CLTA: variants seen among roughly 807,000 people sequenced by gnomAD.
CLTA encodes the protein clathrin, light polypeptide (Lca).
A neutral mutation model predicts 26.9 loss-of-function variants in CLTA; 9 were observed. The observed-to-expected ratio is 0.33, with a 90% confidence interval of 0.20 to 0.58. The LOEUF is 0.58. Among genes scored for constraint, CLTA ranks in the 20% least tolerant of loss-of-function variants. CLTA has a pLI of 0.85. For missense variants in CLTA, 278 were observed against 294.2 expected (o/e 0.94, Z 0.40); for synonymous variants, 120 against 115.5 (o/e 1.04, Z -0.25).
chr9:36,209,255 C>T (rs1190542907), intron 4 of CLTA: 2 of 1,614,080 alleles, frequency 1.2e-6, no homozygotes, highest in Admixed American at 1.7e-5. Flanking sequence ...TTTTGGACCT[C>T]TTGCTGTCTA....
Position 36,211,586 on chromosome 9 carries a change from T to G in CLTA, c.486-17T>G, listed in dbSNP as rs1441372910. On this transcript the variant is annotated splice_polypyrimidine_tract_variant and intron_variant, in intron 4 of 4. Coordinates refer to ENST00000345519, the MANE Select transcript of CLTA (RefSeq NM_001833.4). ...GGGGGTTCTGCATAAACCAACATAT[T>G]TTGTTGTTGCTTCCAGGGCAGCAGA... 6.3e-7 allele frequency: 1 copy of G among 1,599,284 alleles called. No individual in the cohort carries two copies. The highest frequency in any genetic ancestry group is 8.5e-7 in the Non-Finnish European group (1 of 1,169,716).
chr9:36,203,931 C>T (rs1827570683), intron 3 of CLTA, 137 bp from the exon 4 acceptor site: 1 of 1,199,984 alleles, frequency 8.3e-7, no homozygotes. Flanking sequence ...ATCTTCCCCT[C>T]TCTACTCTTC....
intron 4 of CLTA, chr9:36,210,713 T>C: frequency 6.2e-7 from 1 of 1,608,408 alleles, no homozygotes; most frequent in Non-Finnish European, 8.5e-7. Context: ...GAAGTCGCAG[T>C]GTTGTAGTGG....
rs1262335103 is a variant in CLTA, at chr9:36,210,577, A to G, written c.486-1026A>G. The G allele has an allele frequency of 2.5e-6, 4 of 1,613,696 alleles. 1 individual carries two copies. Among genetic ancestry groups the G allele is most frequent in the Non-Finnish European group, 3.4e-6 (4 of 1,179,826 alleles). On this transcript the variant is annotated intron_variant, in intron 4 of 4. Coordinates refer to ENST00000345519, the MANE Select transcript of CLTA (RefSeq NM_001833.4). ...CATTGAGCTCATTCTCATTTTCTATATCTGACTTAAAGTTTCTCTCGTTTC... is the reference window on the plus strand; with the variant it reads ...CATTGAGCTCATTCTCATTTTCTATGTCTGACTTAAAGTTTCTCTCGTTTC...
chr9:36,203,923 C>G, intron 3 of CLTA, 145 bp from the exon 4 acceptor site: 16 of 1,081,400 alleles, frequency 1.5e-5, no homozygotes, highest in Non-Finnish European at 1.8e-5. Flanking sequence ...AGAAGTTTAT[C>G]TTCCCCTCTC....
chr9:36,205,549 A>C (rs1827668400), intron 4 of CLTA, among the ~76,000 whole-genome samples: 1 of 152,168 alleles, frequency 6.6e-6, no homozygotes, highest in Non-Finnish European at 1.5e-5. Flanking sequence ...GTTTAGTCTG[A>C]AGTACTGTAG....
At chr9:36,193,545 G>A (rs1223909955) in intron 1 of CLTA, among the ~76,000 whole-genome samples, 1 of 151,516 alleles carries the variant, frequency 6.6e-6, no homozygotes, top group African/African-American at 2.4e-5. Flanking sequence ...GTTATATTAA[G>A]TATCTAGTGA....
chr9:36,198,783 G>T (rs551380636), intron 2 of CLTA, among the ~76,000 whole-genome samples, 196 bp from the exon 3 acceptor site: 3 of 147,744 alleles, frequency 2.0e-5, no homozygotes, highest in Admixed American at 1.4e-4. Context: ...TGAGGCAGGA[G>T]AATTGCTTGA....
Position 36,204,178 on chromosome 9 carries a change from A to G in CLTA, c.484A>G (p.Arg162Gly), listed in dbSNP as rs1827585622. The G allele has an allele frequency of 1.9e-6, 3 of 1,613,108 alleles. No homozygotes were observed. The highest frequency in any genetic ancestry group is 1.1e-5 in the South Asian group (1 of 90,896). ...GCTACAGAAAACAAAAGCAAACAAC[A>G]GGTCAGTCCGTGGTGGTTGTAGCAC... ...EQLQKTKANN[R>G]AAEEAFVNDI... Residue 162 changes from arginine to glycine, a missense_variant and splice_region_variant, in exon 4 of 5, where the codon AGG (arginine) becomes GGG (glycine). Physicochemically the swap from Arg to Gly is moderately radical, Grantham distance 125. Transcript: ENST00000345519.
Position 36,203,021 on chromosome 9 carries a change from C to T in CLTA, c.374-1047C>T, listed in dbSNP as rs1055537366. On this transcript the variant is annotated intron_variant, in intron 3 of 4. Coordinates refer to ENST00000345519, the MANE Select transcript of CLTA (RefSeq NM_001833.4). The stretch of plus-strand genomic sequence containing the variant: ...TAATTTTTTGTATTTTTAGTAGAGA[C>T]GGGATTTTACCATGTTGGCCAGGCT... 5.3e-5 allele frequency among the ~76,000 whole-genome samples: 8 copies of T among 151,830 alleles called. No individual in the cohort carries two copies. In the South Asian group the frequency reaches 1.5e-3, roughly 28 times the overall value.
intron 1 of CLTA, among the ~76,000 whole-genome samples, chr9:36,191,920 T>G (rs1423829423): frequency 6.6e-6 from 1 of 152,138 alleles, no homozygotes. Flanking sequence ...GGGAACAGCT[T>G]TGGTAGGCAA....
At chr9:36,210,160 G>C (rs1281357375) in intron 4 of CLTA, among the ~76,000 whole-genome samples, 1 of 149,672 alleles carries the variant, frequency 6.7e-6, no homozygotes, top group African/African-American at 2.5e-5. Flanking sequence ...CTGAAGAGTT[G>C]GAAACAGTTC....
Position 36,191,109 on chromosome 9 carries a change from C to A in CLTA, c.53C>A (p.Ala18Glu). ...CCTGCCGGCGCCCCTGGCGGTCCCG[C>A]GCTGGGGAACGGAGTGGCCGGCGCC... ...GAPAGAPGGP[A>E]LGNGVAGAGE... Residue 18 changes from alanine to glutamate, a missense_variant, in exon 1 of 5, where the codon GCG becomes GAG. Coordinates refer to ENST00000345519, the MANE Select transcript of CLTA (RefSeq NM_001833.4). The A allele has an allele frequency of 6.3e-7, 1 of 1,598,936 alleles. No homozygotes were observed. The highest frequency in any genetic ancestry group is 8.5e-7 in the Non-Finnish European group (1 of 1,176,088).
intron 3 of CLTA, among the ~76,000 whole-genome samples, chr9:36,199,814 A>T (rs1273362652): frequency 6.6e-6 from 1 of 152,220 alleles, no homozygotes; most frequent in East Asian, 1.9e-4. Context: ...GAGGTATGTT[A>T]GGAAAAAATG....
At position 36,207,505 on chromosome 9, in the gene CLTA, T is replaced by C. The variant is rs1422668840; in HGVS notation, c.485+3326T>C. Among the ~76,000 whole-genome samples the C allele has an allele frequency of 2.1e-4, 32 of 152,242 alleles. 1 individual carries two copies. The highest frequency in any genetic ancestry group is 1.5e-5 in the Non-Finnish European group (1 of 68,034). On this transcript the variant is annotated intron_variant, in intron 4 of 4. Transcript: ENST00000345519. Reference sequence around the variant, plus strand: ...TATGGAATGAAGTTCTGCATTGTATTCGTGCCTCCAGAGCTTGTCCTAGGT... The same window carrying C: ...TATGGAATGAAGTTCTGCATTGTATCCGTGCCTCCAGAGCTTGTCCTAGGT...
At chr9:36,205,716 A>G (rs943983497) in intron 4 of CLTA, among the ~76,000 whole-genome samples, 4 of 148,500 alleles carry the variant, frequency 2.7e-5, no homozygotes, top group Non-Finnish European at 4.5e-5. Context: ...TATTCTCTGT[A>G]TACAGAATCC....
At chr9:36,211,534 A>C (rs532776384) in intron 4 of CLTA, 69 bp from the exon 5 acceptor site, 22 of 1,527,054 alleles carry the variant, frequency 1.4e-5, no homozygotes, top group Non-Finnish European at 1.9e-5. Flanking sequence ...TTGCTTGTGT[A>C]GCAAGGCAGC....
At chr9:36,202,226 C>T (rs1827458084) in intron 3 of CLTA, among the ~76,000 whole-genome samples, 1 of 152,168 alleles carries the variant, frequency 6.6e-6, no homozygotes, top group Admixed American at 6.5e-5. Flanking sequence ...CCGAGATGAA[C>T]GTTCCTACTA....
intron 4 of CLTA, among the ~76,000 whole-genome samples, chr9:36,210,274 G>A (rs1827966438): frequency 6.6e-6 from 1 of 152,180 alleles, no homozygotes. Context: ...GCTCAGGTCT[G>A]TAGAGCCTCT....
Sources: gnomAD v4.1 joint callset for allele counts (sites outside exome capture counted in the v4.1 genomes callset) on GRCh38, gnomAD v4.1.1 for gene constraint, MANE v1.5 for transcripts, NCBI Gene and HGNC (gene_info 2026-07-23, HGNC 2026-07-21) for gene names.